Variants in CALN1 observed in about 807,000 individuals in gnomAD.
CALN1 encodes calcium-binding protein 8.
A neutral mutation model predicts 30.6 loss-of-function variants in CALN1; 17 were observed. The observed-to-expected ratio is 0.56, with a 90% CI of 0.38 to 0.83. The LOEUF is 0.83. Among genes scored for constraint, CALN1 ranks in the 40% least tolerant of loss-of-function variants. The pLI is 0.00. For synonymous variants in CALN1, 156 were observed against 131.4 expected, an observed-to-expected ratio of 1.19 and a Z score of -1.28; for missense variants, 291 against 354.9, an observed-to-expected ratio of 0.82 and a Z score of 1.45.
intron 3 of CALN1, among the ~76,000 whole-genome samples, chr7:72,115,619 G>C (rs1486979153): frequency 1.3e-5 from 2 of 149,486 alleles, no homozygotes; most frequent in African/African-American, 4.9e-5. Flanking sequence ...CTCCTAAGTA[G>C]CTGGGATCAC....
At chr7:72,199,593 G>A (rs1378326676) in intron 3 of CALN1, among the ~76,000 whole-genome samples, 2 of 152,186 alleles carry the variant, frequency 1.3e-5, no homozygotes, top group Non-Finnish European at 2.9e-5. Context: ...GTGCCCGTCT[G>A]TAATCCCAGC....
rs3030372 is a variant in CALN1, at chr7:72,369,359, T to TTTTGTTGTTGTTG, written c.119+33891_119+33892insCAACAACAACAAA. Among the ~76,000 whole-genome samples, 492 of 146,710 alleles carry TTTTGTTGTTGTTG rather than the reference T, an allele frequency of 3.4e-3. 3 individuals are homozygous for TTTTGTTGTTGTTG. The highest frequency in any genetic ancestry group is 0.012 in the African/African-American group (466 of 40,010). On this transcript the variant is annotated intron_variant, in intron 2 of 6. Transcript: ENST00000395275. The stretch of plus-strand genomic sequence containing the variant: ...TATAAATATTATAAATATTTATTTT[T>TTTTGTTGTTGTTG]TTGTTGTTGTTGTTTGTTTTTGAGA...
intron 2 of CALN1, among the ~76,000 whole-genome samples, chr7:72,292,150 C>T (rs556512916): frequency 1.3e-5 from 2 of 151,946 alleles, no homozygotes; most frequent in Non-Finnish European, 1.5e-5. Context: ...TGGCAAAAAT[C>T]GCAATTACTC....
chr7:72,031,735 T>TGGC (rs1801454878), intron 4 of CALN1, among the ~76,000 whole-genome samples: 2 of 76,138 alleles, frequency 2.6e-5, no homozygotes. Flanking sequence ...GCCTGGCTAA[T>TGGC]TTTTTTTTTT....
intron 4 of CALN1, among the ~76,000 whole-genome samples, chr7:72,048,093 G>A (rs1802595992): frequency 6.8e-6 from 1 of 147,202 alleles, no homozygotes. Flanking sequence ...AGGCTGGAGT[G>A]CAGTGGCATG....
chr7:72,441,584 C>A (rs562799015), intron 1 of CALN1, among the ~76,000 whole-genome samples: 2 of 120,294 alleles, frequency 1.7e-5, no homozygotes, highest in East Asian at 4.4e-4. Context: ...AGCAACAGAG[C>A]GACACTCCGT....
intron 6 of CALN1, among the ~76,000 whole-genome samples, chr7:71,805,262 C>T (rs1787539030): frequency 6.6e-6 from 1 of 152,084 alleles, no homozygotes; most frequent in African/African-American, 2.4e-5. Flanking sequence ...GTGTGATTAC[C>T]TGTTTGCTCT....
At chr7:71,974,348 G>C (rs1449058331) in intron 5 of CALN1, among the ~76,000 whole-genome samples, 2 of 149,712 alleles carry the variant, frequency 1.3e-5, no homozygotes, top group African/African-American at 4.9e-5. Context: ...AACTCGGGAG[G>C]GGGAAGTTGC....
At chr7:72,366,130 G>GAA (rs902828672) in intron 2 of CALN1, among the ~76,000 whole-genome samples, 53 of 144,276 alleles carry the variant, frequency 3.7e-4, no homozygotes, top group African/African-American at 1.2e-3. Context: ...TTCCTATAAT[G>GAA]AATACTATTT....
intron 1 of CALN1, among the ~76,000 whole-genome samples, chr7:72,407,436 G>A (rs1191824942): frequency 6.6e-6 from 1 of 152,184 alleles, no homozygotes; most frequent in Non-Finnish European, 1.5e-5. Context: ...GATCACGGGG[G>A]TGTATTTTTC....
chr7:71,918,182 C>T (rs1444654173), intron 5 of CALN1, among the ~76,000 whole-genome samples: 6 of 152,188 alleles, frequency 3.9e-5, no homozygotes. Flanking sequence ...TTCTTAGGAA[C>T]ATTAAAACAC....
At chr7:72,205,357 C>T (rs550717271) in intron 3 of CALN1, among the ~76,000 whole-genome samples, 87 of 150,978 alleles carry the variant, frequency 5.8e-4, no homozygotes, top group African/African-American at 1.8e-3. Context: ...TGTACCACCA[C>T]ACCTGGCTAA....
At chr7:72,004,073 TAAAAC>T (rs1418727513) in intron 5 of CALN1, among the ~76,000 whole-genome samples, 3 of 152,156 alleles carry the variant, frequency 2.0e-5, no homozygotes, top group Non-Finnish European at 4.4e-5. Context: ...TTAGAAGAGT[TAAAAC>T]AATCTTGACA....
At chr7:71,969,460 AATAC>A (rs1156756045) in intron 5 of CALN1, among the ~76,000 whole-genome samples, 1 of 152,202 alleles carries the variant, frequency 6.6e-6, no homozygotes, top group Admixed American at 6.5e-5. Context: ...TACATAACCG[AATAC>A]ATACATACAT....
At chr7:72,139,071 C>A (rs1171643852) in intron 3 of CALN1, among the ~76,000 whole-genome samples, 2 of 152,144 alleles carry the variant, frequency 1.3e-5, no homozygotes, top group Admixed American at 6.6e-5. Flanking sequence ...TCAAAGACAT[C>A]ACGTCTAATC....
At chr7:71,854,707 G>A (rs893529511) in intron 5 of CALN1, among the ~76,000 whole-genome samples, 1 of 152,198 alleles carries the variant, frequency 6.6e-6, no homozygotes, top group East Asian at 1.9e-4. Context: ...AAACTCTCTC[G>A]AAAGATCACA....
intron 3 of CALN1, among the ~76,000 whole-genome samples, chr7:72,220,439 T>C (rs1335522283): frequency 1.3e-5 from 2 of 151,594 alleles, no homozygotes; most frequent in African/African-American, 2.4e-5. Context: ...ATCCAGTCTA[T>C]TGTTGTTGGA....
At chr7:72,034,079 T>A (rs956680099) in intron 4 of CALN1, among the ~76,000 whole-genome samples, 3 of 151,846 alleles carry the variant, frequency 2.0e-5, no homozygotes, top group African/African-American at 4.8e-5. Flanking sequence ...ACAGGCCAGG[T>A]GCGGTGGCTC....
intron 2 of CALN1, among the ~76,000 whole-genome samples, chr7:72,309,599 G>A (rs919174643): frequency 2.4e-4 from 37 of 152,118 alleles, no homozygotes; most frequent in African/African-American, 8.0e-4. Flanking sequence ...TTGGCGGAGG[G>A]CATGGGAGGG....
Sources: allele counts gnomAD v4.1 joint callset (sites outside exome capture counted in the v4.1 genomes callset), GRCh38; gene constraint gnomAD v4.1.1; transcripts MANE v1.5; gene names NCBI Gene and HGNC (gene_info 2026-07-23, HGNC 2026-07-21).